Variants in CACNA2D3 observed in about 807,000 individuals in gnomAD.
The protein encoded by CACNA2D3 is voltage-dependent calcium channel subunit alpha-2/delta-3.
A neutral mutation model predicts 160.6 loss-of-function variants in CACNA2D3; 60 were observed. The observed-to-expected ratio is 0.37, with a 90% CI of 0.30 to 0.46. The LOEUF (loss-of-function observed/expected upper bound fraction) is 0.46, where lower values mean the gene tolerates loss of function less well. Ranked by LOEUF, CACNA2D3 falls within the 20% of genes least tolerant of loss-of-function variation. The probability of loss-of-function intolerance (pLI) is 1.00; values close to 1 mark genes in which losing one functional copy is unlikely to be tolerated. For missense variants in CACNA2D3, 1,205 were observed against 1,365.0 expected (o/e 0.88, Z 1.85); for synonymous variants, 558 against 492.9 (o/e 1.13, Z -1.75).
chr3:54,175,359 G>A (rs1254733698), intron 2 of CACNA2D3, among the ~76,000 whole-genome samples: 1 of 152,028 alleles, frequency 6.6e-6, no homozygotes, highest in Non-Finnish European at 1.5e-5. Context: ...GTTTACGCCT[G>A]TAATCCCCGC....
At chr3:54,500,561 C>G (rs1451153560) in intron 4 of CACNA2D3, among the ~76,000 whole-genome samples, 2 of 148,286 alleles carry the variant, frequency 1.3e-5, no homozygotes, top group African/African-American at 5.0e-5. Context: ...TCCTTTCTCT[C>G]TCTTTCTTTT....
intron 35 of CACNA2D3, among the ~76,000 whole-genome samples, chr3:55,055,329 T>G (rs923482324): frequency 2.0e-5 from 3 of 152,102 alleles, no homozygotes; most frequent in Admixed American, 6.5e-5. Context: ...TTTCTCAGTG[T>G]GTATTCCAGT....
chr3:54,830,722 G>C (rs1703857115), intron 14 of CACNA2D3, among the ~76,000 whole-genome samples: 1 of 151,532 alleles, frequency 6.6e-6, no homozygotes, highest in African/African-American at 2.4e-5. Context: ...CTGGGATTTG[G>C]CCACTTGGCC....
intron 5 of CACNA2D3, among the ~76,000 whole-genome samples, chr3:54,541,302 GAAAA>G (rs1701975285): frequency 1.2e-5 from 1 of 82,526 alleles, no homozygotes; most frequent in Admixed American, 1.3e-4. Context: ...AAAAAAAAAA[GAAAA>G]GAAAAGAAAA....
intron 2 of CACNA2D3, among the ~76,000 whole-genome samples, chr3:54,192,395 A>G (rs1351601876): frequency 1.3e-5 from 2 of 152,210 alleles, no homozygotes; most frequent in Non-Finnish European, 2.9e-5. Context: ...GTGACAACAC[A>G]TAATTGAGAC....
At chr3:54,845,425 GA>G (rs3836395) in intron 16 of CACNA2D3, among the ~76,000 whole-genome samples, 12 of 149,674 alleles carry the variant, frequency 8.0e-5, no homozygotes, top group African/African-American at 3.0e-4. Flanking sequence ...AACTCCTCAG[GA>G]AAAAAAAATA....
intron 11 of CACNA2D3, among the ~76,000 whole-genome samples, chr3:54,671,887 G>A (rs1189961349): frequency 6.6e-6 from 1 of 152,202 alleles, no homozygotes; most frequent in African/African-American, 2.4e-5. Flanking sequence ...GCCCCCATCT[G>A]CCCCTGCATA....
intron 4 of CACNA2D3, among the ~76,000 whole-genome samples, chr3:54,432,474 T>A (rs1029747335): frequency 1.3e-5 from 2 of 152,088 alleles, no homozygotes; most frequent in East Asian, 1.9e-4. Flanking sequence ...TAATTCATTT[T>A]AAAGAAAGAG....
intron 13 of CACNA2D3, among the ~76,000 whole-genome samples, chr3:54,798,643 G>A (rs1473666294): frequency 1.3e-5 from 2 of 152,214 alleles, no homozygotes; most frequent in Non-Finnish European, 2.9e-5. Context: ...AATAGAGAAT[G>A]ATGTTACTAT....
chr3:54,604,448 T>A, intron 9 of CACNA2D3, among the ~76,000 whole-genome samples: 1 of 152,304 alleles, frequency 6.6e-6, no homozygotes, highest in African/African-American at 2.4e-5. Flanking sequence ...AAGTTTCTTG[T>A]ATCGAAAACC....
intron 5 of CACNA2D3, among the ~76,000 whole-genome samples, chr3:54,536,400 T>C (rs1412695605): frequency 2.0e-5 from 3 of 152,204 alleles, no homozygotes; most frequent in Non-Finnish European, 4.4e-5. Context: ...TGGAACACTT[T>C]CCATTTGTTT....
At chr3:54,222,427 G>A (rs995356112) in intron 2 of CACNA2D3, among the ~76,000 whole-genome samples, 1 of 152,146 alleles carries the variant, frequency 6.6e-6, no homozygotes, top group Admixed American at 6.5e-5. Flanking sequence ...GGCAGAAGGA[G>A]TTTTCTCTTA....
chr3:54,683,951 C>T lies in CACNA2D3; in HGVS notation c.1167+41710C>T, dbSNP rs934983909. 4.2e-5 allele frequency among the ~76,000 whole-genome samples: 6 copies of T among 142,074 alleles called. No individual in the cohort carries two copies. The Admixed American group carries it at 4.6e-4, about 11-fold the overall frequency. 93.2% of individuals were successfully genotyped at this position (142,074 alleles called of 152,430 possible). A position where few individuals can be genotyped will look rare whatever the true frequency, so the allele number is the denominator to read the frequency against. The stretch of plus-strand genomic sequence containing the variant: ...CCATCTTCCTCTGTGTGTCTGTGCC[C>T]AAATTTCCACCTTTTTTTTTTTTTT... On this transcript the variant is annotated intron_variant, in intron 11 of 37. Coordinates refer to ENST00000474759, the MANE Select transcript of CACNA2D3 (RefSeq NM_018398.3).
At chr3:54,731,839 G>A (rs1475055541) in intron 11 of CACNA2D3, among the ~76,000 whole-genome samples, 1 of 151,908 alleles carries the variant, frequency 6.6e-6, no homozygotes, top group Non-Finnish European at 1.5e-5. Flanking sequence ...GTATTTAGAC[G>A]AACACTTCAG....
In CACNA2D3 at chr3:54,343,276, A is replaced by C. The variant is rs532200286; in HGVS notation, c.321+22718A>C. Among the ~76,000 whole-genome samples the C allele has an allele frequency of 5.3e-5, 8 of 151,872 alleles. No homozygotes were observed. The East Asian group carries it at 1.6e-3, about 29-fold the overall frequency. Reference sequence around the variant, plus strand: ...TTCAATAAACTTAGAGGAGGGCTGGAGAGTTGGAATTTTCTTTTTTAATTT... The same window carrying C: ...TTCAATAAACTTAGAGGAGGGCTGGCGAGTTGGAATTTTCTTTTTTAATTT... On this transcript the variant is annotated intron_variant, in intron 3 of 37. Transcript: ENST00000474759.
At chr3:54,812,785 A>G (rs548800111) in intron 13 of CACNA2D3, among the ~76,000 whole-genome samples, 12 of 152,330 alleles carry the variant, frequency 7.9e-5, no homozygotes, top group African/African-American at 2.6e-4. Context: ...TTCAACAGGA[A>G]CATTTCCTGA....
At chr3:55,015,023 A>G (rs1703299488) in intron 34 of CACNA2D3, among the ~76,000 whole-genome samples, 1 of 152,202 alleles carries the variant, frequency 6.6e-6, no homozygotes, top group South Asian at 2.1e-4. Context: ...ACAATTGTCA[A>G]AGGAAAAAGA....
chr3:54,822,790 C>CTTTCCTTTCTTTCTTTCTTTCTTTCTTTT (rs1491160047), intron 14 of CACNA2D3, among the ~76,000 whole-genome samples: 1 of 71,912 alleles, frequency 1.4e-5, no homozygotes, highest in African/African-American at 5.8e-5. Context: ...TTCTTTCTTT[C>CTTTCCTTTCTTTCTTTCTTTCTTTCTTTT]CTTTCTTTCT....
At chr3:54,267,544 G>C (rs1289105557) in intron 2 of CACNA2D3, among the ~76,000 whole-genome samples, 2 of 152,190 alleles carry the variant, frequency 1.3e-5, no homozygotes, top group Non-Finnish European at 2.9e-5. Context: ...AGAGTGAAAA[G>C]TATCCTTTCT....
Sources: allele counts gnomAD v4.1 joint callset (sites outside exome capture counted in the v4.1 genomes callset), GRCh38; gene constraint gnomAD v4.1.1; transcripts MANE v1.5; gene names NCBI Gene and HGNC (gene_info 2026-07-23, HGNC 2026-07-21).